Variants in OGDH observed in about 807,000 individuals in gnomAD.
OGDH encodes the protein 2-oxoglutarate dehydrogenase complex component E1.
A neutral mutation model predicts 116.6 loss-of-function variants in OGDH; 38 were observed. That is an observed-to-expected ratio of 0.33 (90% CI 0.25 to 0.43). The LOEUF (loss-of-function observed/expected upper bound fraction) is 0.43, where lower values mean the gene tolerates loss of function less well. OGDH is among the 20% of genes least tolerant of loss of function. The probability of loss-of-function intolerance (pLI) is 1.00; values close to 1 mark genes in which losing one functional copy is unlikely to be tolerated. For missense variants in OGDH, 825 were observed against 1,357.2 expected, an observed-to-expected ratio of 0.61 and a Z score of 6.16; for synonymous variants, 488 against 533.3, an observed-to-expected ratio of 0.92 and a Z score of 1.17.
chr7:44,688,038 G>A (rs778012374), intron 10 of OGDH, among the ~76,000 whole-genome samples: 15 of 152,204 alleles, frequency 9.9e-5, no homozygotes, highest in Non-Finnish European at 1.5e-4. Context: ...ATCAGTTGGC[G>A]AACGTTTAGA....
In OGDH at chr7:44,696,927, C is replaced by T. The variant is rs1788605873; in HGVS notation, c.1914C>T (p.Ile638=). 1.9e-6 allele frequency: 3 copies of T among 1,612,110 alleles called. No individual in the cohort carries two copies. Among genetic ancestry groups the T allele is most frequent in the South Asian group, 1.1e-5 (1 of 90,848 alleles). ...NFTIHGGLSR[I]LKTRGEMVKN... is the part of the protein sequence containing the mutation. ...GTGTCTCTGCAGGGCTGAGCCGGAT[C>T]TTGAAGACTCGTGGGGAAATGGTGA... The change falls in exon 15 of 23, where the codon ATC becomes ATT. Residue 638 remains isoleucine, a synonymous_variant. Coordinates refer to ENST00000222673, the MANE Select transcript of OGDH (RefSeq NM_002541.4).
chr7:44,682,430 G>C (rs1180480567), intron 10 of OGDH, among the ~76,000 whole-genome samples: 1 of 151,912 alleles, frequency 6.6e-6, no homozygotes, highest in African/African-American at 2.4e-5. Flanking sequence ...GGGCATGGTG[G>C]CCCACAAATG....
chr7:44,652,860 G>A (rs1481490760), intron 4 of OGDH, among the ~76,000 whole-genome samples: 2 of 152,144 alleles, frequency 1.3e-5, no homozygotes, highest in Non-Finnish European at 2.9e-5. Flanking sequence ...ACGTCTTCTG[G>A]TAGGAGGGCT....
chr7:44,700,388 T>G, intron 19 of OGDH, 119 bp downstream of exon 19: 1 of 1,296,704 alleles, frequency 7.7e-7, no homozygotes, highest in South Asian at 1.4e-5. Flanking sequence ...GCAGGGGTAG[T>G]GTGGACAGGA....
In OGDH at chr7:44,697,843, G is replaced by A; in HGVS notation, c.2358+61G>A. The A allele has an allele frequency of 6.5e-7, 1 of 1,537,850 alleles. No individual in the cohort carries two copies. Among genetic ancestry groups the A allele is most frequent in the Non-Finnish European group, 8.7e-7 (1 of 1,144,878 alleles). On this transcript the variant is annotated intron_variant, in intron 17 of 22. Transcript: ENST00000222673. The surrounding 1 kb of genome is among the most constrained non-coding windows in gnomAD (Gnocchi z 6.0). ...TTGGGAAGGGCCTGTGTAGGACCCT[G>A]ACCCCAAAGACTGGCACGAGAGCCA...
intron 1 of OGDH, among the ~76,000 whole-genome samples, chr7:44,618,976 A>G (rs77267630): frequency 0.12 from 18,752 of 152,150 alleles, 2,248 homozygotes; most frequent in East Asian, 0.44. Flanking sequence ...CTGATCACCT[A>G]TCTACATGGT....
At chr7:44,671,767 C>CA (rs758716419) in intron 5 of OGDH, among the ~76,000 whole-genome samples, 1,736 of 50,930 alleles carry the variant, frequency 0.034, 22 homozygotes, top group Middle Eastern at 0.045. Flanking sequence ...GACTGCGTCT[C>CA]AAAAAAAAAA....
rs1788482423 is a variant in OGDH at position 44,694,163 on chromosome 7, G to A, written c.1515+159G>A. Among the ~76,000 whole-genome samples the A allele has an allele frequency of 6.6e-6, 1 of 152,132 alleles. No homozygotes were observed. The highest frequency in any genetic ancestry group is 2.1e-4 in the South Asian group (1 of 4,828). ...TGCTGGTTCCTTTGAGCTCCAAATA[G>A]TTCAGGCCTGTAAGCACCAAGGAAT... is the stretch of plus-strand genomic sequence containing the variant. On this transcript the variant is annotated intron_variant, in intron 11 of 22. Transcript: ENST00000222673. This position sits in a 1 kb window ranked among gnomAD's most constrained non-coding sequence, Gnocchi z 4.2.
intron 4 of OGDH, among the ~76,000 whole-genome samples, chr7:44,665,131 G>C (rs900946345): frequency 2.0e-5 from 3 of 152,002 alleles, no homozygotes; most frequent in African/African-American, 7.3e-5. Flanking sequence ...AAATACTATA[G>C]GGCAATTGCC....
chr7:44,678,324 TGG>T (rs2116200738), intron 9 of OGDH, among the ~76,000 whole-genome samples: 1 of 152,306 alleles, frequency 6.6e-6, no homozygotes, highest in Admixed American at 6.5e-5. Context: ...GGCTGAGTAG[TGG>T]AATGAGATTA....
At chr7:44,653,267 ATTT>A (rs1585294025) in intron 4 of OGDH, among the ~76,000 whole-genome samples, 2 of 151,930 alleles carry the variant, frequency 1.3e-5, no homozygotes, top group Admixed American at 6.6e-5. Flanking sequence ...TAATTTTTGT[ATTT>A]TTAGTAGAGA....
chr7:44,693,216 G>A (rs1788437472), intron 10 of OGDH, among the ~76,000 whole-genome samples: 2 of 152,076 alleles, frequency 1.3e-5, no homozygotes, highest in South Asian at 4.1e-4. Context: ...GCTAAGGCAG[G>A]ATAATCGCTT....
chr7:44,628,966 C>T lies in OGDH; in HGVS notation c.222+4401C>T, dbSNP rs567011017. Among the ~76,000 whole-genome samples, 42 of 152,230 alleles carry T rather than the reference C, an allele frequency of 2.8e-4. 1 individual carries two copies. Among genetic ancestry groups the T allele is most frequent in the African/African-American group, 9.4e-4 (39 of 41,542 alleles). On this transcript the variant is annotated intron_variant, in intron 2 of 22. Coordinates refer to ENST00000222673, the MANE Select transcript of OGDH (RefSeq NM_002541.4). ...TACCTTTGGTCCTGTCCTAGACTTT[C>T]GTCTCTGTTCTAGTCTGGCATTTGT...
At chr7:44,671,027 A>T (rs1787424651) in intron 5 of OGDH, among the ~76,000 whole-genome samples, 1 of 149,438 alleles carries the variant, frequency 6.7e-6, no homozygotes, top group African/African-American at 2.4e-5. Flanking sequence ...AAAAAAAAAA[A>T]AGAAAAGAAA....
chr7:44,656,896 G>A (rs906042178), intron 4 of OGDH, among the ~76,000 whole-genome samples: 1 of 152,202 alleles, frequency 6.6e-6, no homozygotes, highest in African/African-American at 2.4e-5. Context: ...AAACACATTT[G>A]AGGAATCCAG....
chr7:44,702,242 G>A (rs1743169589), intron 20 of OGDH, among the ~76,000 whole-genome samples: 1 of 152,214 alleles, frequency 6.6e-6, no homozygotes, highest in Non-Finnish European at 1.5e-5. Flanking sequence ...TTGAGGGTTA[G>A]TGCCGCTGCC....
rs1196500297 is a variant in OGDH, at chr7:44,645,386, G to A, written c.282G>A (p.Gln94=). The A allele has an allele frequency of 6.2e-7, 1 of 1,614,194 alleles. No individual in the cohort carries two copies. Among genetic ancestry groups the A allele is most frequent in the African/African-American group, 1.3e-5 (1 of 75,068 alleles). Residue 94 remains glutamine, a synonymous_variant, in exon 3 of 23, where the codon CAG becomes CAA. Coordinates refer to ENST00000222673, the MANE Select transcript of OGDH (RefSeq NM_002541.4). ...GAGCCCCACCGGGCACTGCCTACCA[G>A]AGTCCCCTTCCCCTGAGCCGAGGCT... is the stretch of plus-strand genomic sequence containing the variant. The part of the protein sequence containing the change: ...NAGAPPGTAY[Q]SPLPLSRGSL...
At position 44,705,051 on chromosome 7, in the gene OGDH, C is replaced by CTTTTTTTTTTTTTTTTT. The variant is rs777624714; in HGVS notation, c.2633-2171_2633-2155dup. Among the ~76,000 whole-genome samples, 39 of 93,918 alleles carry CTTTTTTTTTTTTTTTTT rather than the reference C, an allele frequency of 4.2e-4. 6 individuals are homozygous for CTTTTTTTTTTTTTTTTT. The highest frequency in any genetic ancestry group is 2.1e-3 in the African/African-American group (36 of 17,070). 61.6% of individuals were successfully genotyped at this position (93,918 alleles called of 152,430 possible). ...TTGATGTACAAAAGTTTTTAATTTT[C>CTTTTTTTTTTTTTTTTT]TTTTTTTTTTTTTTTTTTTGAGACG... On this transcript the variant is annotated intron_variant, in intron 20 of 22. Coordinates refer to ENST00000222673, the MANE Select transcript of OGDH (RefSeq NM_002541.4).
chr7:44,706,765 C>T lies in OGDH; in HGVS notation c.2633-460C>T, dbSNP rs191474892. Among the ~76,000 whole-genome samples, 736 of 151,636 alleles carry T rather than the reference C, an allele frequency of 4.9e-3. 8 individuals are homozygous for T. Among genetic ancestry groups the T allele is most frequent in the African/African-American group, 0.017 (689 of 41,310 alleles). On this transcript the variant is annotated intron_variant, in intron 20 of 22. Transcript: ENST00000222673. ...CCTCCCGAGTAGCTGGGACCACAGGCGCACACCACCATGCCTGGCTCATTT... is the reference window on the plus strand; with the variant it reads ...CCTCCCGAGTAGCTGGGACCACAGGTGCACACCACCATGCCTGGCTCATTT...
Sources: gnomAD v4.1 joint callset for allele counts (sites outside exome capture counted in the v4.1 genomes callset) on GRCh38, gnomAD v4.1.1 for gene constraint, Gnocchi (gnomAD v3.1) non-coding constraint, MANE v1.5 for transcripts, NCBI Gene and HGNC (gene_info 2026-07-23, HGNC 2026-07-21) for gene names.